Variants in ARHGAP6 observed in about 807,000 individuals in gnomAD.
ARHGAP6 encodes the protein Rho GTPase activating protein 6, also known as rho GTPase-activating protein 6.
A neutral mutation model predicts 55.7 loss-of-function variants in ARHGAP6; 16 were observed. The ratio of observed to expected loss-of-function variants is 0.29; its 90% CI spans 0.19 to 0.44. ARHGAP6 has a LOEUF of 0.44. Ranked by LOEUF, ARHGAP6 falls within the 20% of genes least tolerant of loss-of-function variation. The pLI, the probability that ARHGAP6 is intolerant of heterozygous loss-of-function variation, is 1.00. For missense variants in ARHGAP6, 698 were observed against 808.9 expected (o/e 0.86, Z 1.66); for synonymous variants, 382 against 360.9 (o/e 1.06, Z -0.66).
At chrX:11,482,158 G>A (rs1190579346) in intron 1 of ARHGAP6, among the ~76,000 whole-genome samples, 2 of 112,199 alleles carry the variant, frequency 1.8e-5, no homozygotes, top group Non-Finnish European at 3.8e-5. Flanking sequence ...AGAGGGGCCA[G>A]AGATGCTACT....
intron 1 of ARHGAP6, among the ~76,000 whole-genome samples, chrX:11,637,953 A>C (rs1414918693): frequency 9.0e-6 from 1 of 111,516 alleles, no homozygotes; most frequent in Non-Finnish European, 1.9e-5. Context: ...TTTTTATCAA[A>C]ACAATATGGT....
intron 1 of ARHGAP6, among the ~76,000 whole-genome samples, chrX:11,274,015 T>A (rs1181760989): frequency 9.0e-6 from 1 of 111,279 alleles, no homozygotes; most frequent in Non-Finnish European, 1.9e-5. Flanking sequence ...AGGACACATA[T>A]TGCAAGTGGC....
intron 8 of ARHGAP6, among the ~76,000 whole-genome samples, chrX:11,170,308 A>G (rs1346739068): frequency 8.9e-6 from 1 of 111,833 alleles, no homozygotes; most frequent in African/African-American, 3.3e-5. Context: ...GCTAGGCTGA[A>G]AAGCAAAGGA....
chrX:11,257,549 A>G (rs2047508066), intron 1 of ARHGAP6, among the ~76,000 whole-genome samples: 1 of 112,486 alleles, frequency 8.9e-6, no homozygotes, highest in South Asian at 3.7e-4. Flanking sequence ...ACTATAGCTT[A>G]TGACTGAAAT....
intron 5 of ARHGAP6, among the ~76,000 whole-genome samples, chrX:11,183,348 CT>C (rs2046346110): frequency 8.9e-6 from 1 of 111,840 alleles, no homozygotes; most frequent in African/African-American, 3.3e-5. Flanking sequence ...ATAAATGACC[CT>C]ATTGTGAACA....
chrX:11,504,498 G>T (rs775053591), intron 1 of ARHGAP6, among the ~76,000 whole-genome samples: 80 of 111,869 alleles, frequency 7.2e-4, no homozygotes, highest in African/African-American at 2.5e-3. Context: ...CCCCCGTTAA[G>T]AATCCGTCTC....
At chrX:11,642,714 T>C (rs1408588229) in intron 1 of ARHGAP6, among the ~76,000 whole-genome samples, 2 of 111,591 alleles carry the variant, frequency 1.8e-5, no homozygotes, top group African/African-American at 6.5e-5. Context: ...TATTGTATAA[T>C]TCCATTTTAT....
intron 1 of ARHGAP6, among the ~76,000 whole-genome samples, chrX:11,603,595 C>T (rs67819051): frequency 0.16 from 17,647 of 110,703 alleles, 1,138 homozygotes; most frequent in Middle Eastern, 0.24. Context: ...TGATATTAAA[C>T]ATTATTTGTG....
rs1325103017 is a variant in ARHGAP6, at chrX:11,508,559, T to C, written c.588+155682A>G. On this transcript the variant is annotated intron_variant, in intron 1 of 12. Coordinates refer to ENST00000337414, the MANE Select transcript of ARHGAP6 (RefSeq NM_013427.3). Reference sequence around the variant, plus strand: ...TCTTTCCATTTCCTTCTAAGCTGCATACCAGTCAACTTGGCTGGGGTATTC... The same window carrying C: ...TCTTTCCATTTCCTTCTAAGCTGCACACCAGTCAACTTGGCTGGGGTATTC... Among the ~76,000 whole-genome samples the C allele has an allele frequency of 2.9e-4, 32 of 110,496 alleles. No homozygotes were observed. In the Admixed American group the frequency reaches 3.1e-3, roughly 11 times the overall value.
chrX:11,522,977 A>T (rs1325652255), intron 1 of ARHGAP6, among the ~76,000 whole-genome samples: 1 of 111,703 alleles, frequency 9.0e-6, no homozygotes, highest in Non-Finnish European at 1.9e-5. Flanking sequence ...TCGATGCAAA[A>T]ATCCTCAATA....
intron 1 of ARHGAP6, among the ~76,000 whole-genome samples, chrX:11,322,688 A>G (rs1303831536): frequency 1.8e-5 from 2 of 112,367 alleles, no homozygotes; most frequent in Non-Finnish European, 3.8e-5. Context: ...ATTGTCCACA[A>G]TGTTATATTC....
intron 1 of ARHGAP6, among the ~76,000 whole-genome samples, chrX:11,589,748 T>A (rs773271246): frequency 2.7e-5 from 3 of 111,435 alleles, no homozygotes; most frequent in South Asian, 3.8e-4. Context: ...AGCCCACTCA[T>A]GTGGTGATGT....
At chrX:11,305,095 C>G (rs1284120506) in intron 1 of ARHGAP6, among the ~76,000 whole-genome samples, 2 of 111,274 alleles carry the variant, frequency 1.8e-5, no homozygotes, top group African/African-American at 3.3e-5. Context: ...CTTTACCAAA[C>G]CGTTTTCCTC....
chrX:11,378,693 T>G (rs1449259884), intron 1 of ARHGAP6, among the ~76,000 whole-genome samples: 3 of 112,399 alleles, frequency 2.7e-5, no homozygotes, highest in Non-Finnish European at 5.6e-5. Flanking sequence ...AAGACTTGGG[T>G]ACCATTATTG....
intron 1 of ARHGAP6, among the ~76,000 whole-genome samples, chrX:11,257,914 T>C (rs1324566739): frequency 9.0e-6 from 1 of 111,650 alleles, no homozygotes; most frequent in Admixed American, 9.5e-5. Flanking sequence ...CCAGTAGCAA[T>C]GCAACTTTAG....
chrX:11,410,099 T>C (rs924756257), intron 1 of ARHGAP6, among the ~76,000 whole-genome samples: 7 of 112,139 alleles, frequency 6.2e-5, no homozygotes, highest in Non-Finnish European at 1.3e-4. Flanking sequence ...GTTCCTATAA[T>C]GACCAAGCAA....
chrX:11,605,339 GCA>G (rs756877814), intron 1 of ARHGAP6, among the ~76,000 whole-genome samples: 84 of 111,626 alleles, frequency 7.5e-4, no homozygotes, highest in Middle Eastern at 4.7e-3. Flanking sequence ...CAGCAAGCTG[GCA>G]CACAGAGGAC....
At chrX:11,633,902 C>T (rs1214013397) in intron 1 of ARHGAP6, among the ~76,000 whole-genome samples, 1 of 111,241 alleles carries the variant, frequency 9.0e-6, no homozygotes, top group Admixed American at 9.6e-5. Flanking sequence ...TGCTTTTTGC[C>T]TATTTTCTGT....
intron 1 of ARHGAP6, among the ~76,000 whole-genome samples, chrX:11,574,213 TAACTC>T (rs1228545862): frequency 9.0e-6 from 1 of 111,549 alleles, no homozygotes; most frequent in Non-Finnish European, 1.9e-5. Flanking sequence ...GAATCCTCCC[TAACTC>T]ATTTTATGAG....
Sources: gnomAD v4.1 joint callset for allele counts (sites outside exome capture counted in the v4.1 genomes callset) on GRCh38, gnomAD v4.1.1 for gene constraint, MANE v1.5 for transcripts, NCBI Gene and HGNC (gene_info 2026-07-23, HGNC 2026-07-21) for gene names.